PCDHGA3: variants seen among roughly 807,000 people sequenced by gnomAD.
The protein encoded by PCDHGA3 is protocadherin gamma-A3.
PCDHGA3 carries 40 observed loss-of-function variants against 58.5 expected under a neutral mutation model. The observed-to-expected ratio is 0.68, with a 90% CI of 0.53 to 0.89. The LOEUF is 0.89. PCDHGA3 is among the 40% of genes least tolerant of loss of function. The pLI, the probability that PCDHGA3 is intolerant of heterozygous loss-of-function variation, is 0.00. For missense variants in PCDHGA3, 1,223 were observed against 1,195.9 expected (o/e 1.02, Z -0.33); for synonymous variants, 530 against 525.7 (o/e 1.01, Z -0.11).
At chr5:141,353,710 T>G (rs545692626) in intron 1 of PCDHGA3, among the ~76,000 whole-genome samples, 2 of 152,380 alleles carry the variant, frequency 1.3e-5, no homozygotes, top group African/African-American at 4.8e-5. Flanking sequence ...TCTTGTTTCT[T>G]TAGTGTAGAT....
intron 1 of PCDHGA3, among the ~76,000 whole-genome samples, chr5:141,449,543 C>T (rs377524476): frequency 2.7e-5 from 4 of 147,148 alleles, no homozygotes; most frequent in Non-Finnish European, 4.5e-5. Context: ...GAGCCGAGAT[C>T]GCACCACTGC....
chr5:141,438,629 T>C (rs1162332421), intron 1 of PCDHGA3, among the ~76,000 whole-genome samples: 9 of 48,096 alleles, frequency 1.9e-4, no homozygotes, highest in Admixed American at 6.4e-4. Context: ...TATATATATA[T>C]ATATATACAC....
intron 1 of PCDHGA3, among the ~76,000 whole-genome samples, chr5:141,463,810 A>G (rs1469182885): frequency 6.6e-6 from 1 of 152,178 alleles, no homozygotes; most frequent in Non-Finnish European, 1.5e-5. Context: ...AAAAGCTTTT[A>G]TCACACATTT....
At chr5:141,495,452 C>T (rs543717781) in intron 2 of PCDHGA3, among the ~76,000 whole-genome samples, 1 of 152,356 alleles carries the variant, frequency 6.6e-6, no homozygotes, top group Non-Finnish European at 1.5e-5. Context: ...TTGTCCTGCT[C>T]TCTGTCTGTG....
chr5:141,419,742 T>G (rs1388509503), intron 1 of PCDHGA3: 3 of 1,613,742 alleles, frequency 1.9e-6, no homozygotes, highest in Non-Finnish European at 2.5e-6. Flanking sequence ...GAGGTGCGCA[T>G]GGTGCGTGCT....
At chr5:141,484,966 G>A in intron 1 of PCDHGA3, 1 of 583,968 alleles carries the variant, frequency 1.7e-6, no homozygotes. Context: ...GAGCCCGGGA[G>A]CCGCTGTCTG....
At chr5:141,500,809 A>G (rs1018522111) in intron 2 of PCDHGA3, among the ~76,000 whole-genome samples, 1 of 152,324 alleles carries the variant, frequency 6.6e-6, no homozygotes, top group African/African-American at 2.4e-5. Context: ...CCTCATATGA[A>G]TATACATATT....
chr5:141,447,064 C>T (rs1453083716), intron 1 of PCDHGA3, among the ~76,000 whole-genome samples: 1 of 152,064 alleles, frequency 6.6e-6, no homozygotes, highest in Non-Finnish European at 1.5e-5. Context: ...ATGTGTCAGG[C>T]TGTTTTAATT....
chr5:141,501,345 A>G (rs2099808580), intron 2 of PCDHGA3, among the ~76,000 whole-genome samples: 2 of 150,582 alleles, frequency 1.3e-5, no homozygotes, highest in East Asian at 1.9e-4. Context: ...CCCAAACTCA[A>G]TAGGGCAAGA....
chr5:141,423,802 C>A, intron 1 of PCDHGA3: 3 of 1,254,704 alleles, frequency 2.4e-6, no homozygotes, highest in South Asian at 2.9e-5. Context: ...TAGAGCAATA[C>A]ATGTGAGTTT....
At chr5:141,361,680 C>A in intron 1 of PCDHGA3, 1 of 1,613,576 alleles carries the variant, frequency 6.2e-7, no homozygotes, top group Non-Finnish European at 8.5e-7. Context: ...GGGTGGTGTT[C>A]GCGCAGCGCG....
At chr5:141,425,296 T>A (rs1283179158) in intron 1 of PCDHGA3, among the ~76,000 whole-genome samples, 1 of 152,194 alleles carries the variant, frequency 6.6e-6, no homozygotes, top group Non-Finnish European at 1.5e-5. Flanking sequence ...TAAAACCTCA[T>A]CTAAACTAAC....
At position 141,494,838 on chromosome 5, in the gene PCDHGA3, C is replaced by T; in HGVS notation, c.2456C>T (p.Ser819Phe). 4.3e-6 allele frequency: 7 copies of T among 1,614,166 alleles called. No homozygotes were observed. Among genetic ancestry groups the T allele is most frequent in the Non-Finnish European group, 3.4e-6 (4 of 1,180,032 alleles). Residue 819 changes from serine (S) to phenylalanine (F), a missense_variant, in exon 2 of 4, where the codon TCT becomes TTT. By Grantham distance (155) the Ser-to-Phe change is radical. Transcript: ENST00000253812. ...CCGCCCAACACGGACTGGCGTTTCT[C>T]TCAGGCCCAGAGACCCGGCACCAGC... ...QAPPNTDWRF[S>F]QAQRPGTSGS...
Position 141,357,750 on chromosome 5 carries a change from A to G in PCDHGA3, c.2424+11293A>G, listed in dbSNP as rs188292079. On this transcript the variant is annotated intron_variant, in intron 1 of 3. Coordinates refer to ENST00000253812, the MANE Select transcript of PCDHGA3 (RefSeq NM_018916.4). ...TTAATATTTTATTGCTTTAAAGAAA[A>G]CTGGTGGATGACCTTCCAATAATGA... 17 of 1,147,492 alleles carry G rather than the reference A, an allele frequency of 1.5e-5. No individual in the cohort carries two copies. The East Asian group carries it at 4.4e-4, about 30-fold the overall frequency. 71.1% of individuals were successfully genotyped at this position (1,147,492 alleles called of 1,614,324 possible).
chr5:141,372,497 G>T, intron 1 of PCDHGA3: 2 of 1,614,032 alleles, frequency 1.2e-6, no homozygotes, highest in Non-Finnish European at 1.7e-6. Flanking sequence ...TGATCTCAGT[G>T]CTCTTCCTCC....
At chr5:141,464,923 A>G (rs544281066) in intron 1 of PCDHGA3, among the ~76,000 whole-genome samples, 3 of 151,406 alleles carry the variant, frequency 2.0e-5, no homozygotes, top group Non-Finnish European at 4.4e-5. Flanking sequence ...ATTTTTTTGT[A>G]GAGATGTGAG....
intron 3 of PCDHGA3, chr5:141,508,179 AG>A (rs1250335236): frequency 1.3e-5 from 2 of 152,326 alleles, no homozygotes; most frequent in Non-Finnish European, 2.9e-5. Flanking sequence ...ACAGGAGAGA[AG>A]GCATCACCCC....
At chr5:141,500,877 A>C (rs2099803156) in intron 2 of PCDHGA3, among the ~76,000 whole-genome samples, 1 of 122,292 alleles carries the variant, frequency 8.2e-6, no homozygotes, top group African/African-American at 3.9e-5. Flanking sequence ...TTCATTTACA[A>C]TTTTTTTTTT....
chr5:141,450,842 T>TTTTTA, intron 1 of PCDHGA3, among the ~76,000 whole-genome samples: 1 of 148,196 alleles, frequency 6.7e-6, no homozygotes, highest in African/African-American at 2.5e-5. Context: ...TTTTTTTTTT[T>TTTTTA]GAGATGGGGT....
Sources: allele counts gnomAD v4.1 joint callset (sites outside exome capture counted in the v4.1 genomes callset), GRCh38; gene constraint gnomAD v4.1.1; transcripts MANE v1.5; gene names NCBI Gene and HGNC (gene_info 2026-07-23, HGNC 2026-07-21).